Variants in PGBD1 observed in about 807,000 individuals in gnomAD.
PGBD1 encodes the protein piggyBac transposable element derived 1.
PGBD1 carries 25 observed loss-of-function variants against 34.7 expected under a neutral mutation model. The observed-to-expected ratio is 0.72, with a 90% CI of 0.52 to 1.00. PGBD1 has a LOEUF of 1.00. Ranked by LOEUF, PGBD1 falls within the 50% of genes least tolerant of loss-of-function variation. PGBD1 has a pLI of 0.00. For missense variants in PGBD1, 830 were observed against 959.4 expected (o/e 0.87, Z 1.78); for synonymous variants, 292 against 335.7 (o/e 0.87, Z 1.42).
chr6:28,301,853 A>C lies in PGBD1; in HGVS notation c.1999A>C (p.Lys667Gln). ...KCPLMNVEHM[K>Q]KMKRGYFDFR... ...TCCCCTTATGAATGTAGAACATATG[A>C]AAAAAATGAAGAGAGGGTATTTTGA... The change falls in exon 7 of 7, where the codon AAA becomes CAA. Residue 667 changes from lysine to glutamine, a missense_variant. Lys to Gln is a moderately conservative substitution (Grantham distance 53). Coordinates refer to ENST00000682144, the MANE Select transcript of PGBD1 (RefSeq NM_032507.4). The C allele has an allele frequency of 6.2e-7, 1 of 1,614,104 alleles. No individual in the cohort carries two copies.
chr6:28,281,610 C>A lies in PGBD1; in HGVS notation c.-347C>A, dbSNP rs769151261. On this transcript the variant is annotated 5_prime_UTR_variant, in exon 1 of 7. Transcript: ENST00000682144. Reference sequence around the variant, plus strand: ...TGCTGGAGGCGCCGGCAGCGCCCGCCAGACCCGCCAGCCCAGCGGCCCGGG... The same window carrying A: ...TGCTGGAGGCGCCGGCAGCGCCCGCAAGACCCGCCAGCCCAGCGGCCCGGG... 75 of 382,818 alleles carry A rather than the reference C, an allele frequency of 2.0e-4. No individual in the cohort carries two copies. The highest frequency in any genetic ancestry group is 3.0e-4 in the Non-Finnish European group (65 of 217,000). The allele number at this position is 382,818 out of a possible 1,614,324, so 23.7% of individuals were successfully genotyped here.
At chr6:28,289,927 G>T (rs1019238463) in intron 4 of PGBD1, among the ~76,000 whole-genome samples, 6 of 152,152 alleles carry the variant, frequency 3.9e-5, no homozygotes, top group African/African-American at 1.4e-4. Flanking sequence ...TTCTACTCTT[G>T]TATTTGGGAT....
Position 28,302,236 on chromosome 6 carries a change from AT to A in PGBD1, c.2385del (p.Phe795LeufsTer54). 2 of 1,614,034 alleles carry A rather than the reference AT, an allele frequency of 1.2e-6. No individual in the cohort carries two copies. The highest frequency in any genetic ancestry group is 2.2e-5 in the South Asian group (2 of 91,066). ...CTCTAGACCCCTTGGATTTTCGGAG[AT>A]TTGTTGCACATTTCTACTTGGAACA... is the stretch of plus-strand genomic sequence containing the variant. ...ASLDPLDFRR[F>X]VAHFYLEHNA... is the part of the protein sequence containing the mutation. On this transcript the variant is annotated frameshift_variant, in exon 7 of 7. Coordinates refer to ENST00000682144, the MANE Select transcript of PGBD1 (RefSeq NM_032507.4). LOFTEE classifies it low-confidence loss of function (END_TRUNC).
At position 28,285,529 on chromosome 6, in the gene PGBD1, AAAAT is replaced by A. The variant is rs1458713140; in HGVS notation, c.397-17_397-14del. The A allele has an allele frequency of 1.9e-6, 3 of 1,611,406 alleles. No individual in the cohort carries two copies. Among genetic ancestry groups the A allele is most frequent in the Middle Eastern group, 3.3e-4 (2 of 6,048 alleles). On this transcript the variant is annotated intron_variant, in intron 2 of 6. Coordinates refer to ENST00000682144, the MANE Select transcript of PGBD1 (RefSeq NM_032507.4). ...GCAGTCCATATATGCATGCCCTTTC[AAAAT>A]AAATCTTTTGTTTCCAGGCCTCTGT...
chr6:28,285,416 T>C, intron 2 of PGBD1, 135 bp from the exon 3 acceptor site: 2 of 905,736 alleles, frequency 2.2e-6, no homozygotes, highest in Non-Finnish European at 3.2e-6. Context: ...TTGTTTTTGT[T>C]TTTCTGGGCT....
intron 4 of PGBD1, among the ~76,000 whole-genome samples, chr6:28,290,002 A>G (rs1762397310): frequency 6.6e-6 from 1 of 152,194 alleles, no homozygotes; most frequent in Admixed American, 6.5e-5. Context: ...TGTAAGCCTC[A>G]TGATAACTAC....
intron 4 of PGBD1, among the ~76,000 whole-genome samples, chr6:28,287,393 G>A (rs765310400): frequency 6.6e-6 from 1 of 152,122 alleles, no homozygotes; most frequent in Admixed American, 6.5e-5. Flanking sequence ...CAGGAGGCAC[G>A]TCCAAATCTC....
chr6:28,289,819 T>C (rs1762392704), intron 4 of PGBD1, among the ~76,000 whole-genome samples: 2 of 152,140 alleles, frequency 1.3e-5, no homozygotes, highest in South Asian at 4.1e-4. Context: ...TGTTAAGAGA[T>C]AGGTAATATA....
intron 4 of PGBD1, among the ~76,000 whole-genome samples, chr6:28,287,391 A>G (rs1223716832): frequency 1.3e-5 from 2 of 152,182 alleles, no homozygotes; most frequent in Non-Finnish European, 2.9e-5. Context: ...TTCAGGAGGC[A>G]CGTCCAAATC....
chr6:28,297,111 C>T (rs1762669442), intron 5 of PGBD1, among the ~76,000 whole-genome samples, 166 bp downstream of exon 5: 1 of 152,234 alleles, frequency 6.6e-6, no homozygotes, highest in African/African-American at 2.4e-5. Flanking sequence ...TGCATCCTTC[C>T]CAATCACATT....
chr6:28,293,304 C>G (rs1762526816), intron 4 of PGBD1, among the ~76,000 whole-genome samples: 2 of 152,110 alleles, frequency 1.3e-5, no homozygotes, highest in Non-Finnish European at 2.9e-5. Flanking sequence ...TTCTAGCCTC[C>G]AGAGCCATGA....
chr6:28,302,067 G>A lies in PGBD1; in HGVS notation c.2213G>A (p.Gly738Asp), dbSNP rs1426823805. 6.2e-7 allele frequency: 1 copy of A among 1,614,038 alleles called. No homozygotes were observed. Among genetic ancestry groups the A allele is most frequent in the African/African-American group, 1.3e-5 (1 of 74,906 alleles). The change falls in exon 7 of 7, where the codon GGT becomes GAT. Residue 738 changes from glycine to aspartate, a missense_variant. This residue lies in a region of PGBD1 where 372 missense variants were observed against 427.9 expected (regional missense o/e 0.87). Coordinates refer to ENST00000682144, the MANE Select transcript of PGBD1 (RefSeq NM_032507.4). ...IVKVYDECKE[G>D]VAKMDQIISK... is the part of the protein sequence containing the mutation. ...AAAGTGTATGATGAATGCAAGGAAG[G>A]TGTAGCTAAAATGGATCAAATTATT...
chr6:28,293,203 A>C (rs1762521433), intron 4 of PGBD1, among the ~76,000 whole-genome samples: 1 of 152,142 alleles, frequency 6.6e-6, no homozygotes, highest in African/African-American at 2.4e-5. Context: ...GGCCTCCCAA[A>C]GTGCTGGGAT....
chr6:28,283,690 A>G (rs1762193971), intron 1 of PGBD1, 86 bp from the exon 2 acceptor site: 6 of 1,220,650 alleles, frequency 4.9e-6, no homozygotes, highest in Non-Finnish European at 6.7e-6. Context: ...CAAAAATGTA[A>G]GTAGGTTACA....
Position 28,301,850 on chromosome 6 carries a change from A to T in PGBD1, c.1996A>T (p.Met666Leu). The T allele has an allele frequency of 6.2e-7, 1 of 1,614,184 alleles. No individual in the cohort carries two copies. The highest frequency in any genetic ancestry group is 8.5e-7 in the Non-Finnish European group (1 of 1,180,028). The change falls in exon 7 of 7, where the codon ATG becomes TTG. Residue 666 changes from methionine to leucine, a missense_variant. Physicochemically the swap from Met to Leu is conservative, Grantham distance 15. Around this residue, in one of 3 missense-constraint regions of PGBD1, gnomAD observed 372 missense variants for 427.9 expected, o/e 0.87. Coordinates refer to ENST00000682144, the MANE Select transcript of PGBD1 (RefSeq NM_032507.4). The part of the protein sequence containing the change: ...EKCPLMNVEH[M>L]KKMKRGYFDF... ...ATGTCCCCTTATGAATGTAGAACAT[A>T]TGAAAAAAATGAAGAGAGGGTATTT...
rs2113761447 is a variant in PGBD1, at chr6:28,302,508, G to A, written c.*224G>A. The A allele has an allele frequency of 2.1e-6, 1 of 471,166 alleles. No homozygotes were observed. Among genetic ancestry groups the A allele is most frequent in the Non-Finnish European group, 3.7e-6 (1 of 272,670 alleles). The allele number at this position is 471,166 out of a possible 1,614,324, so 29.2% of individuals were successfully genotyped here. ...ACTGTAGTACCTTTCTCTATGTCAA[G>A]TTTTGTGTCAGACATGGGAAATCAT... is the stretch of plus-strand genomic sequence containing the variant. On this transcript the variant is annotated 3_prime_UTR_variant, in exon 7 of 7. Transcript: ENST00000682144.
chr6:28,298,033 T>C (rs373129177), intron 6 of PGBD1, 42 bp downstream of exon 6: 27 of 1,363,020 alleles, frequency 2.0e-5, no homozygotes, highest in African/African-American at 1.5e-4. Flanking sequence ...CCTGCAGATA[T>C]AAGAAATTGG....
intron 4 of PGBD1, among the ~76,000 whole-genome samples, chr6:28,295,968 C>T (rs1288729484): frequency 6.6e-6 from 1 of 152,146 alleles, no homozygotes; most frequent in African/African-American, 2.4e-5. Context: ...GATATTCATT[C>T]TCTAAAAGAC....
intron 6 of PGBD1, among the ~76,000 whole-genome samples, chr6:28,299,652 CA>C: frequency 6.6e-6 from 1 of 152,026 alleles, no homozygotes. Context: ...ACTAGTTTAC[CA>C]ACAGAACACT....
Sources: gnomAD v4.1 joint callset for allele counts (sites outside exome capture counted in the v4.1 genomes callset) on GRCh38, gnomAD v4.1.1 for gene constraint, gnomAD v4.1.1 regional missense constraint, MANE v1.5 for transcripts, NCBI Gene and HGNC (gene_info 2026-07-23, HGNC 2026-07-21) for gene names.